Variants in ALPL observed in about 807,000 individuals in gnomAD.
ALPL encodes alkaline phosphatase, biomineralization associated, also known as alkaline phosphatase, tissue-nonspecific isozyme.
ALPL carries 42 observed loss-of-function variants against 51.3 expected under a neutral mutation model. That is an observed-to-expected ratio of 0.82 (90% CI 0.64 to 1.06). The LOEUF (loss-of-function observed/expected upper bound fraction) is 1.06. Ranked by LOEUF, ALPL falls within the 50% of genes least tolerant of loss-of-function variation. The probability of loss-of-function intolerance (pLI) is 0.00; values close to 1 mark genes in which losing one functional copy is unlikely to be tolerated. For synonymous variants in ALPL, 279 were observed against 296.4 expected (o/e 0.94, Z 0.60); for missense variants, 589 against 709.4 (o/e 0.83, Z 1.93).
chr1:21,564,183 C>T lies in ALPL; in HGVS notation c.615C>T (p.Ala205=), dbSNP rs754911877. 1.2e-6 allele frequency: 2 copies of T among 1,614,014 alleles called. No homozygotes were observed. Among genetic ancestry groups the T allele is most frequent in the South Asian group, 1.1e-5 (1 of 91,080 alleles). Residue 205 remains alanine (A), a synonymous_variant, in exon 6 of 12, where the codon GCC becomes GCT. Coordinates refer to ENST00000374840, the MANE Select transcript of ALPL (RefSeq NM_000478.6). The surrounding 1 kb of genome is among the most constrained non-coding windows in gnomAD (Gnocchi z 5.8). The stretch of plus-strand genomic sequence containing the variant: ...TGAGCCAGGGCTGTAAGGACATCGC[C>T]TACCAGCTCATGCATAACATCAGGG... ...EALSQGCKDI[A]YQLMHNIRDI...
chr1:21,534,375 A>G (rs1644070149), intron 1 of ALPL, among the ~76,000 whole-genome samples: 1 of 152,020 alleles, frequency 6.6e-6, no homozygotes, highest in African/African-American at 2.4e-5. Flanking sequence ...AAGTTAATTG[A>G]GGAGGCAGAA....
At chr1:21,540,998 T>C (rs116038579) in intron 1 of ALPL, among the ~76,000 whole-genome samples, 3,513 of 152,278 alleles carry the variant, frequency 0.023, 149 homozygotes, top group African/African-American at 0.08. Flanking sequence ...ACAGGCCCTT[T>C]GAAGGGAAAG....
intron 1 of ALPL, among the ~76,000 whole-genome samples, chr1:21,535,462 AC>A (rs1210167735): frequency 6.6e-6 from 1 of 151,964 alleles, no homozygotes. Context: ...AAATAAAATC[AC>A]CAGCCGAACG....
At chr1:21,576,837 C>G (rs1322870708) in intron 11 of ALPL, among the ~76,000 whole-genome samples, 196 bp downstream of exon 11, 2 of 152,140 alleles carry the variant, frequency 1.3e-5, no homozygotes, top group Non-Finnish European at 2.9e-5. Context: ...TCTAGCAGCT[C>G]TGAGACTTTG....
intron 8 of ALPL, among the ~76,000 whole-genome samples, chr1:21,573,383 G>GC (rs1006994002): frequency 6.6e-6 from 1 of 150,818 alleles, no homozygotes; most frequent in African/African-American, 2.4e-5. Context: ...GTTGCAGGGA[G>GC]CCGAGATCGC....
intron 1 of ALPL, among the ~76,000 whole-genome samples, chr1:21,531,774 A>G (rs952441219): frequency 3.3e-5 from 5 of 152,110 alleles, no homozygotes; most frequent in Non-Finnish European, 7.4e-5. Flanking sequence ...GGGTGTGTGT[A>G]TGGGGGCCTG....
intron 1 of ALPL, among the ~76,000 whole-genome samples, chr1:21,536,891 CTTTTTTTTTTTTTT>C (rs10534586): frequency 2.5e-5 from 2 of 79,364 alleles, no homozygotes; most frequent in Admixed American, 1.6e-4. Flanking sequence ...GGTTCCTTCC[CTTTTTTTTTTTTTT>C]TTTTTTTTTG....
intron 1 of ALPL, among the ~76,000 whole-genome samples, chr1:21,527,277 C>T (rs1281382491): frequency 1.3e-5 from 2 of 152,136 alleles, no homozygotes; most frequent in Non-Finnish European, 2.9e-5. Flanking sequence ...GGTGATCTGC[C>T]TGCCTCAGCC....
At chr1:21,560,979 C>T in intron 3 of ALPL, 118 bp from the exon 4 acceptor site, 7 of 1,046,738 alleles carry the variant, frequency 6.7e-6, no homozygotes, top group Non-Finnish European at 1.0e-5. Context: ...CAGAGCCATG[C>T]CCAGTGCCAA....
chr1:21,558,467 C>G (rs997662895), intron 2 of ALPL, among the ~76,000 whole-genome samples: 2 of 152,248 alleles, frequency 1.3e-5, no homozygotes, highest in Non-Finnish European at 2.9e-5. Context: ...TGGGGGACCT[C>G]TGAGGAAAAC....
chr1:21,524,089 C>T (rs1434607200), intron 1 of ALPL, among the ~76,000 whole-genome samples: 2 of 151,144 alleles, frequency 1.3e-5, no homozygotes, highest in Admixed American at 6.6e-5. Flanking sequence ...CTGCCACCTC[C>T]ACCTCCCAGG....
intron 2 of ALPL, among the ~76,000 whole-genome samples, chr1:21,555,074 A>G (rs1045606451): frequency 6.7e-6 from 1 of 149,966 alleles, no homozygotes; most frequent in African/African-American, 2.5e-5. Flanking sequence ...CAGCCAAGGG[A>G]GATATGGGTG....
At chr1:21,561,597 G>A (rs1008378915) in intron 4 of ALPL, among the ~76,000 whole-genome samples, 2 of 151,492 alleles carry the variant, frequency 1.3e-5, no homozygotes, top group African/African-American at 4.9e-5. Flanking sequence ...GGGCTTAAGC[G>A]ATCCTACAGC....
chr1:21,539,142 G>A (rs1644148391), intron 1 of ALPL, among the ~76,000 whole-genome samples: 1 of 152,208 alleles, frequency 6.6e-6, no homozygotes, highest in Admixed American at 6.5e-5. Context: ...AGGAGTTTAT[G>A]CTTAGTCCTG....
At chr1:21,545,095 A>G (rs182978142) in intron 1 of ALPL, among the ~76,000 whole-genome samples, 253 of 152,276 alleles carry the variant, frequency 1.7e-3, no homozygotes, top group Admixed American at 3.6e-3. Flanking sequence ...GTTTTGGTCA[A>G]TGTCTCAAAA....
rs144101328 is a variant in ALPL at position 21,545,901 on chromosome 1, T to C, written c.-104-8077T>C. On this transcript the variant is annotated intron_variant, in intron 1 of 11. Coordinates refer to ENST00000374840, the MANE Select transcript of ALPL (RefSeq NM_000478.6). ...CACGATCTCAGCTCACTGCAACCTC[T>C]AACTCTCTAGTTCAAGCGATTATCC... Among the ~76,000 whole-genome samples, 1,191 of 152,150 alleles carry C rather than the reference T, an allele frequency of 7.8e-3. 21 individuals are homozygous for C. The highest frequency in any genetic ancestry group is 0.028 in the African/African-American group (1,144 of 41,506).
Position 21,578,048 on chromosome 1 carries a change from TCTC to T in ALPL, c.*403_*405del, listed in dbSNP as rs531742327. On this transcript the variant is annotated 3_prime_UTR_variant, in exon 12 of 12. Coordinates refer to ENST00000374840, the MANE Select transcript of ALPL (RefSeq NM_000478.6). This position sits in a 1 kb window ranked among gnomAD's most constrained non-coding sequence, Gnocchi z 4.2. The stretch of plus-strand genomic sequence containing the variant: ...TCATCTCCTGACCCTCCCACTCCCA[TCTC>T]CTTACCTCTGGAACCCCCCAGGCCC... 1.7e-4 allele frequency: 44 copies of T among 260,596 alleles called. No homozygotes were observed. The South Asian group carries it at 2.4e-3, about 14-fold the overall frequency. 16.1% of individuals were successfully genotyped at this position (260,596 alleles called of 1,614,324 possible).
At position 21,560,376 on chromosome 1, in the gene ALPL, C is replaced by T. The variant is rs370467620; in HGVS notation, c.62-250C>T. ...GCTGTGTGGCCTTAGGCAAGTTGCT[C>T]GTTGTCTCTGAGCCTTGGTTTCTTC... On this transcript the variant is annotated intron_variant, in intron 2 of 11. Coordinates refer to ENST00000374840, the MANE Select transcript of ALPL (RefSeq NM_000478.6). 1.4e-4 allele frequency among the ~76,000 whole-genome samples: 21 copies of T among 152,298 alleles called. 1 individual carries two copies. In the South Asian group the frequency reaches 2.7e-3, roughly 20 times the overall value.
At chr1:21,549,047 C>T (rs529455166) in intron 1 of ALPL, among the ~76,000 whole-genome samples, 2 of 152,304 alleles carry the variant, frequency 1.3e-5, no homozygotes, top group South Asian at 2.1e-4. Context: ...GAGACTGCCC[C>T]GGCTCCTCAC....
Sources: allele counts gnomAD v4.1 joint callset (sites outside exome capture counted in the v4.1 genomes callset), GRCh38; gene constraint gnomAD v4.1.1; non-coding constraint Gnocchi (gnomAD v3.1); transcripts MANE v1.5; gene names NCBI Gene and HGNC (gene_info 2026-07-23, HGNC 2026-07-21).